The following FAM219A variants were observed in gnomAD, a reference collection of about 807,000 sequenced individuals.
FAM219A encodes the protein protein FAM219A.
FAM219A carries 7 observed loss-of-function variants against 23.4 expected under a neutral mutation model. That is an observed-to-expected ratio of 0.30 (90% CI 0.17 to 0.56). The LOEUF is 0.56. Ranked by LOEUF, FAM219A falls within the 20% of genes least tolerant of loss-of-function variation. The pLI is 0.92. For synonymous variants in FAM219A, 93 were observed against 99.0 expected (o/e 0.94, Z 0.36); for missense variants, 166 against 246.9 (o/e 0.67, Z 2.20).
At position 34,421,007 on chromosome 9, in the gene FAM219A, T is replaced by TGAGAGAGAGAGAGAGAGAGA. The variant is rs761212084; in HGVS notation, c.61-15044_61-15043insTCTCTCTCTCTCTCTCTCTC. ...GTGTGTGTGTATGTGTGTGTGTGTG[T>TGAGAGAGAGAGAGAGAGAGA]GTGAGAGAGAGAGAGAGAGAGAGAG... On this transcript the variant is annotated intron_variant, in intron 1 of 5. Transcript: ENST00000651358. Among the ~76,000 whole-genome samples, 302 of 76,588 alleles carry TGAGAGAGAGAGAGAGAGAGA rather than the reference T, an allele frequency of 3.9e-3. 4 individuals are homozygous for TGAGAGAGAGAGAGAGAGAGA. Among genetic ancestry groups the TGAGAGAGAGAGAGAGAGAGA allele is most frequent in the Non-Finnish European group, 5.2e-3 (192 of 36,744 alleles). The allele number at this position is 76,588 out of a possible 152,430, so 50.2% of individuals were successfully genotyped here.
chr9:34,447,567 C>T (rs1823417161), intron 1 of FAM219A, among the ~76,000 whole-genome samples: 1 of 152,190 alleles, frequency 6.6e-6, no homozygotes, highest in African/African-American at 2.4e-5. Flanking sequence ...AGCGCTAAGG[C>T]TGTATAACCT....
At chr9:34,419,288 G>A (rs1321657682) in intron 1 of FAM219A, among the ~76,000 whole-genome samples, 1 of 152,046 alleles carries the variant, frequency 6.6e-6, no homozygotes, top group African/African-American at 2.4e-5. Context: ...TTGGGGATGA[G>A]GCCTTTCATA....
chr9:34,399,387 C>CA lies in FAM219A; in HGVS notation c.*1576dup, dbSNP rs1218396776. On this transcript the variant is annotated 3_prime_UTR_variant, in exon 6 of 6. Coordinates refer to ENST00000651358, the MANE Select transcript of FAM219A (RefSeq NM_001184940.2). ...GTCTCAGCTTTCCAGTCCCCTCCCC[C>CA]AAACCAGCAATAGCAGAAGCAGCTG... 2.0e-5 allele frequency: 3 copies of CA among 152,356 alleles called. No individual in the cohort carries two copies. Among genetic ancestry groups the CA allele is most frequent in the Non-Finnish European group, 4.4e-5 (3 of 68,216 alleles). The allele number at this position is 152,356 out of a possible 1,614,324, so 9.4% of individuals were successfully genotyped here.
intron 1 of FAM219A, among the ~76,000 whole-genome samples, chr9:34,414,138 T>A (rs1345897675): frequency 1.3e-5 from 2 of 152,224 alleles, no homozygotes; most frequent in African/African-American, 4.8e-5. Flanking sequence ...TTAGTAGCAA[T>A]CTATGCATTA....
chr9:34,418,890 C>T (rs1401547677), intron 1 of FAM219A, among the ~76,000 whole-genome samples: 3 of 151,972 alleles, frequency 2.0e-5, no homozygotes, highest in Non-Finnish European at 4.4e-5. Context: ...GACAACACAG[C>T]GAAACCCTGT....
rs1235910135 is a variant in FAM219A at position 34,431,185 on chromosome 9, A to T, written c.61-25221T>A. 5.9e-5 allele frequency among the ~76,000 whole-genome samples: 9 copies of T among 152,200 alleles called. No homozygotes were observed. The South Asian group carries it at 1.4e-3, about 25-fold the overall frequency. The stretch of plus-strand genomic sequence containing the variant: ...TGCCTGGCCAGATTTTCAAGGGGTG[A>T]GGCAGAGGATCTTGGTGTGTGTGTG... On this transcript the variant is annotated intron_variant, in intron 1 of 5. Coordinates refer to ENST00000651358, the MANE Select transcript of FAM219A (RefSeq NM_001184940.2).
chr9:34,413,905 A>G (rs1364784998), intron 1 of FAM219A, among the ~76,000 whole-genome samples: 1 of 152,254 alleles, frequency 6.6e-6, no homozygotes, highest in Non-Finnish European at 1.5e-5. Flanking sequence ...AGAGCATCAA[A>G]GACCAGCTCT....
intron 1 of FAM219A, among the ~76,000 whole-genome samples, chr9:34,428,109 C>T (rs1470249898): frequency 6.6e-6 from 1 of 152,180 alleles, no homozygotes; most frequent in Non-Finnish European, 1.5e-5. Flanking sequence ...GCTTGGAATC[C>T]AAACCATCAG....
chr9:34,440,868 A>T (rs10972115), intron 1 of FAM219A, among the ~76,000 whole-genome samples: 3,112 of 151,334 alleles, frequency 0.021, 89 homozygotes, highest in East Asian at 0.11. Context: ...AAAAAAAAAA[A>T]TTTTTAAAGA....
At chr9:34,438,914 G>A (rs1823048034) in intron 1 of FAM219A, among the ~76,000 whole-genome samples, 1 of 152,194 alleles carries the variant, frequency 6.6e-6, no homozygotes, top group African/African-American at 2.4e-5. Context: ...AATAAATCTT[G>A]CTACTGCTCA....
At chr9:34,402,677 G>A (rs778542803) in intron 3 of FAM219A, 28 bp downstream of exon 3, 1 of 1,611,728 alleles carries the variant, frequency 6.2e-7, no homozygotes, top group South Asian at 1.1e-5. Context: ...GGCTGGCAGG[G>A]TCCAGGTGGG....
chr9:34,412,048 T>G (rs1821842409), intron 1 of FAM219A, among the ~76,000 whole-genome samples: 1 of 152,146 alleles, frequency 6.6e-6, no homozygotes, highest in African/African-American at 2.4e-5. Flanking sequence ...GGGCTTTGAT[T>G]TTTTTCTTTA....
intron 1 of FAM219A, among the ~76,000 whole-genome samples, chr9:34,453,652 C>T (rs1302619119): frequency 1.3e-5 from 2 of 152,196 alleles, no homozygotes; most frequent in Non-Finnish European, 2.9e-5. Flanking sequence ...AGTGACGCTA[C>T]AGTAACATTT....
Position 34,457,823 on chromosome 9 carries a change from T to G in FAM219A, c.60+381A>C, listed in dbSNP as rs1823807530. 6.6e-6 allele frequency among the ~76,000 whole-genome samples: 1 copy of G among 151,992 alleles called. No individual in the cohort carries two copies. The highest frequency in any genetic ancestry group is 2.4e-5 in the African/African-American group (1 of 41,378). On this transcript the variant is annotated intron_variant, in intron 1 of 5. Coordinates refer to ENST00000651358, the MANE Select transcript of FAM219A (RefSeq NM_001184940.2). This position sits in a 1 kb window ranked among gnomAD's most constrained non-coding sequence, Gnocchi z 5.1. ...TCCCCCGCCCTAAGCATCACAGGCC[T>G]CTAGGACTAAACGCCTCCCCACCTC...
At chr9:34,437,581 A>G (rs1822968658) in intron 1 of FAM219A, among the ~76,000 whole-genome samples, 4 of 152,086 alleles carry the variant, frequency 2.6e-5, no homozygotes, top group Admixed American at 2.0e-4. Flanking sequence ...GGCCTTAAAG[A>G]CTCCATACAC....
At chr9:34,404,390 G>A (rs1821558056) in intron 2 of FAM219A, among the ~76,000 whole-genome samples, 1 of 152,180 alleles carries the variant, frequency 6.6e-6, no homozygotes, top group Non-Finnish European at 1.5e-5. Flanking sequence ...AGTTATGCTT[G>A]TTAAAATATT....
chr9:34,437,989 G>T (rs1822988365), intron 1 of FAM219A, among the ~76,000 whole-genome samples: 3 of 152,238 alleles, frequency 2.0e-5, no homozygotes, highest in Non-Finnish European at 2.9e-5. Context: ...GTTCCGAGTG[G>T]GCGTGGGCTT....
chr9:34,450,386 T>G (rs904137626), intron 1 of FAM219A, among the ~76,000 whole-genome samples: 1 of 152,036 alleles, frequency 6.6e-6, no homozygotes, highest in Non-Finnish European at 1.5e-5. Flanking sequence ...ATATATGTGG[T>G]TCTCACTCCA....
chr9:34,401,727 A>G lies in FAM219A; in HGVS notation c.345-7T>C. 2 of 1,606,798 alleles carry G rather than the reference A, an allele frequency of 1.2e-6. No homozygotes were observed. The highest frequency in any genetic ancestry group is 1.7e-6 in the Non-Finnish European group (2 of 1,177,686). On this transcript the variant is annotated splice_region_variant and splice_polypyrimidine_tract_variant and intron_variant, in intron 4 of 5. Transcript: ENST00000651358. ...CATGTCAAAGTCATCATCGCTGGCC[A>G]TGGAGGAAAGAGAGGGAAAGTGATA...
Sources: gnomAD v4.1 joint callset for allele counts (sites outside exome capture counted in the v4.1 genomes callset) on GRCh38, gnomAD v4.1.1 for gene constraint, Gnocchi (gnomAD v3.1) non-coding constraint, MANE v1.5 for transcripts, NCBI Gene and HGNC (gene_info 2026-07-23, HGNC 2026-07-21) for gene names.